ITGB7: variants seen among roughly 807,000 people sequenced by gnomAD.
The protein encoded by ITGB7 is integrin subunit beta 7.
In ITGB7, 55 loss-of-function variants were observed where a neutral mutation model predicts 83.4. The observed-to-expected ratio is 0.66, with a 90% CI of 0.53 to 0.83. ITGB7 has a LOEUF of 0.83. Among genes scored for constraint, ITGB7 ranks in the 40% least tolerant of loss-of-function variants. The pLI, the probability that ITGB7 is intolerant of heterozygous loss-of-function variation, is 0.00. For missense variants in ITGB7, 921 were observed against 1,046.7 expected (o/e 0.88, Z 1.66); for synonymous variants, 454 against 423.6 (o/e 1.07, Z -0.88).
In ITGB7 at chr12:53,192,375, C is replaced by A. The variant is rs759939513; in HGVS notation, c.2110G>T (p.Asp704Tyr). 2.5e-6 allele frequency: 4 copies of A among 1,614,148 alleles called. No individual in the cohort carries two copies. In the Admixed American group the frequency reaches 6.7e-5, roughly 27 times the overall value. ...DNQLFFFLVE[D>Y]DARGTVVLRV... is the part of the protein sequence containing the mutation. ...AGCACGACCGTGCCTCTGGCGTCAT[C>A]CTCCACCAAGAAGAAGAACAGCTGG... Residue 704 changes from aspartate (D) to tyrosine (Y), a missense_variant, in exon 14 of 16, where the codon GAT (aspartate) becomes TAT (tyrosine). Transcript: ENST00000267082.
Position 53,196,578 on chromosome 12 carries a change from C to T in ITGB7, c.816+1G>A. The T allele has an allele frequency of 6.2e-7, 1 of 1,607,642 alleles. No homozygotes were observed. The highest frequency in any genetic ancestry group is 8.5e-7 in the Non-Finnish European group (1 of 1,174,912). On this transcript the variant is annotated splice_donor_variant, in intron 6 of 15. Transcript: ENST00000267082. LOFTEE classifies it high-confidence loss of function. The stretch of plus-strand genomic sequence containing the variant: ...CTCAGATCCCCGCCCCACCTCCTCA[C>T]CTGGCAGAGTGCAGCCTGCAGAATG...
chr12:53,203,876 G>T (rs1942376373), intron 1 of ITGB7, among the ~76,000 whole-genome samples: 4 of 152,028 alleles, frequency 2.6e-5, no homozygotes, highest in Admixed American at 2.6e-4. Flanking sequence ...TTGAGCATAG[G>T]ATTATCCTAT....
chr12:53,200,447 C>T lies in ITGB7; in HGVS notation c.-3-1G>A. On this transcript the variant is annotated splice_acceptor_variant, in intron 2 of 15. Coordinates refer to ENST00000267082, the MANE Select transcript of ITGB7 (RefSeq NM_000889.3). LOFTEE classifies it low-confidence loss of function (5UTR_SPLICE). ...GGACCATTGGCAAAGCCACCATGCC[C>T]TGTAATAGGATATAAAGGGGGACAT... 1.2e-6 allele frequency: 2 copies of T among 1,614,008 alleles called. No homozygotes were observed. Among genetic ancestry groups the T allele is most frequent in the East Asian group, 2.2e-5 (1 of 44,878 alleles).
At chr12:53,198,253 C>A (rs931399632) in intron 3 of ITGB7, among the ~76,000 whole-genome samples, 4 of 152,170 alleles carry the variant, frequency 2.6e-5, no homozygotes, top group Admixed American at 2.6e-4. Context: ...CCTCAGCCTC[C>A]CGGTAGCTGG....
intron 4 of ITGB7, 33 bp downstream of exon 4, chr12:53,197,717 A>G (rs1431414374): frequency 6.3e-7 from 1 of 1,592,990 alleles, no homozygotes; most frequent in Admixed American, 1.7e-5. Flanking sequence ...GCCAGCCTAG[A>G]CCTCTGGCCT....
intron 15 of ITGB7, 102 bp downstream of exon 15, chr12:53,191,757 G>T: frequency 6.4e-7 from 1 of 1,550,666 alleles, no homozygotes; most frequent in South Asian, 1.1e-5. Flanking sequence ...AGAGGGGTTG[G>T]TTACATGTGC....
At chr12:53,207,143 C>T (rs1942461242) in intron 1 of ITGB7, 59 bp downstream of exon 1, 1 of 152,770 alleles carries the variant, frequency 6.5e-6, no homozygotes. Context: ...GAGGTTGGGA[C>T]CAGGTGGGCC....
chr12:53,200,767 A>G (rs941391869), intron 2 of ITGB7, among the ~76,000 whole-genome samples: 3 of 152,064 alleles, frequency 2.0e-5, no homozygotes, highest in Non-Finnish European at 4.4e-5. Flanking sequence ...CATCTCTACT[A>G]AAAATACAAA....
rs1941935280 is a variant in ITGB7, at chr12:53,191,362, C to T, written c.*194G>A. The T allele has an allele frequency of 3.3e-6, 2 of 607,960 alleles. No individual in the cohort carries two copies. The highest frequency in any genetic ancestry group is 5.2e-5 in the Admixed American group (2 of 38,192). 37.7% of individuals were successfully genotyped at this position (607,960 alleles called of 1,614,324 possible). A position where few individuals can be genotyped will look rare whatever the true frequency, so the allele number is the denominator to read the frequency against. Reference sequence around the variant, plus strand: ...TTATTGTATACTTGGGTGGGGTAGCCCAGATGGATGCAAGGTTGCAGGCAT... The same window carrying T: ...TTATTGTATACTTGGGTGGGGTAGCTCAGATGGATGCAAGGTTGCAGGCAT... On this transcript the variant is annotated 3_prime_UTR_variant, in exon 16 of 16. Coordinates refer to ENST00000267082, the MANE Select transcript of ITGB7 (RefSeq NM_000889.3).
At chr12:53,204,931 T>G (rs1249523759) in intron 1 of ITGB7, among the ~76,000 whole-genome samples, 1 of 147,360 alleles carries the variant, frequency 6.8e-6, no homozygotes, top group Non-Finnish European at 1.5e-5. Context: ...TTCAAGTGAG[T>G]CGTGTGCCTC....
chr12:53,193,388 A>G (rs768385002), intron 11 of ITGB7, 25 bp from the exon 12 acceptor site: 2 of 1,514,516 alleles, frequency 1.3e-6, no homozygotes. Flanking sequence ...CAAAGGAGAG[A>G]AGTAGGTCAG....
In ITGB7 at chr12:53,192,414, G is replaced by A. The variant is rs2230397; in HGVS notation, c.2071C>T (p.Arg691Trp). The change falls in exon 14 of 16, where the codon CGG (arginine) becomes TGG (tryptophan). Residue 691 changes from arginine to tryptophan, a missense_variant. Physicochemically the swap from Arg to Trp is moderately radical, Grantham distance 101. Coordinates refer to ENST00000267082, the MANE Select transcript of ITGB7 (RefSeq NM_000889.3). Reference sequence around the variant, plus strand: ...AAGAACAGCTGGTTGTCCAGGGTCCGCTCTTTGCACCAGCCATCATCCAAG... The same window carrying A: ...AAGAACAGCTGGTTGTCCAGGGTCCACTCTTTGCACCAGCCATCATCCAAG... ...PILDDGWCKERTLDNQLFFFL... is the reference protein window; with the variant it reads ...PILDDGWCKEWTLDNQLFFFL... 35 of 1,613,844 alleles carry A rather than the reference G, an allele frequency of 2.2e-5. No individual in the cohort carries two copies. Among genetic ancestry groups the A allele is most frequent in the South Asian group, 4.4e-5 (4 of 91,064 alleles).
chr12:53,202,187 C>T (rs1368499000), intron 1 of ITGB7, among the ~76,000 whole-genome samples: 4 of 151,860 alleles, frequency 2.6e-5, no homozygotes, highest in Admixed American at 2.0e-4. Context: ...GGTGAAACCC[C>T]GTCTCTACTA....
chr12:53,196,829 G>A lies in ITGB7; in HGVS notation c.575-9C>T. 2.5e-6 allele frequency: 4 copies of A among 1,588,738 alleles called. No individual in the cohort carries two copies. The highest frequency in any genetic ancestry group is 3.4e-6 in the Non-Finnish European group (4 of 1,161,056). On this transcript the variant is annotated splice_polypyrimidine_tract_variant and intron_variant, in intron 5 of 15. Coordinates refer to ENST00000267082, the MANE Select transcript of ITGB7 (RefSeq NM_000889.3). ...CACAAAGGAACCAAAACCTGGGAGA[G>A]GAGAGGAATGAAGGTTGTGCCAGAA...
chr12:53,192,246 T>C (rs1196933989), intron 14 of ITGB7, 84 bp downstream of exon 14: 2 of 1,440,210 alleles, frequency 1.4e-6, no homozygotes, highest in Non-Finnish European at 1.9e-6. Flanking sequence ...CCCAGCCTGT[T>C]TCCCATTATC....
rs951639263 is a variant in ITGB7 at position 53,191,865 on chromosome 12, C to A, written c.2310G>T (p.Trp770Cys). The A allele has an allele frequency of 7.4e-6, 12 of 1,613,602 alleles. No individual in the cohort carries two copies. The highest frequency in any genetic ancestry group is 1.0e-5 in the Non-Finnish European group (12 of 1,179,984). ...RFEKEQQQLN[W>C]KQDSNPLYKS... is the part of the protein sequence containing the mutation. The stretch of plus-strand genomic sequence containing the variant: ...AACCAGGAAGTCTCCTCACCTGCTT[C>A]CAGTTGAGTTGTTGCTGCTCCTTCT... The change falls in exon 15 of 16, where the codon TGG (tryptophan) becomes TGT (cysteine). Residue 770 changes from tryptophan (W) to cysteine (C), a missense_variant. Coordinates refer to ENST00000267082, the MANE Select transcript of ITGB7 (RefSeq NM_000889.3).
rs1404127314 is a variant in ITGB7, at chr12:53,203,661, AAAAAAAAAAAG to A, written c.-126-2478_-126-2468del. Reference sequence around the variant, plus strand: ...AGACCCTGTCTCAAAAAAAAAAAAAAAAAAAAAAAAGAAAGAAAGAAAAGAAAAGAAGAAGA... The same window carrying A: ...AGACCCTGTCTCAAAAAAAAAAAAAAAAAGAAAGAAAAGAAAAGAAGAAGA... On this transcript the variant is annotated intron_variant, in intron 1 of 15. Transcript: ENST00000267082. Among the ~76,000 whole-genome samples the A allele has an allele frequency of 1.1e-3, 165 of 150,240 alleles. 1 individual carries two copies. Among genetic ancestry groups the A allele is most frequent in the African/African-American group, 3.4e-3 (139 of 40,892 alleles).
At chr12:53,194,140 T>C (rs1942073120) in intron 10 of ITGB7, 58 bp downstream of exon 10, 1 of 1,608,998 alleles carries the variant, frequency 6.2e-7, no homozygotes. Flanking sequence ...CCTGCCTGCT[T>C]AATTTCCCAC....
At chr12:53,191,783 C>T in intron 15 of ITGB7, 76 bp downstream of exon 15, 3 of 1,592,184 alleles carry the variant, frequency 1.9e-6, no homozygotes, top group South Asian at 1.1e-5. Context: ...GCTGGGGGAA[C>T]CCAGTGGGAG....
Sources: allele counts gnomAD v4.1 joint callset (sites outside exome capture counted in the v4.1 genomes callset), GRCh38; gene constraint gnomAD v4.1.1; transcripts MANE v1.5; gene names NCBI Gene and HGNC (gene_info 2026-07-23, HGNC 2026-07-21).